The following PARD3 variants were observed in gnomAD, a reference collection of about 807,000 sequenced individuals.
PARD3 encodes par-3 family cell polarity regulator.
PARD3 carries 75 observed loss-of-function variants against 155.4 expected under a neutral mutation model. The observed-to-expected ratio is 0.48, with a 90% CI of 0.40 to 0.58. The LOEUF is 0.58. Ranked by LOEUF, PARD3 falls within the 20% of genes least tolerant of loss-of-function variation. PARD3 has a pLI of 0.00. For missense variants in PARD3, 1,642 were observed against 1,721.7 expected (o/e 0.95, Z 0.82); for synonymous variants, 576 against 610.5 (o/e 0.94, Z 0.83).
chr10:34,299,735 C>T (rs1320825895), intron 20 of PARD3, among the ~76,000 whole-genome samples: 2 of 152,132 alleles, frequency 1.3e-5, no homozygotes, highest in East Asian at 1.9e-4. Flanking sequence ...AGGAAAAATG[C>T]TATATAAATT....
At chr10:34,756,756 G>A (rs1836798004) in intron 1 of PARD3, among the ~76,000 whole-genome samples, 1 of 152,086 alleles carries the variant, frequency 6.6e-6, no homozygotes, top group South Asian at 2.1e-4. Flanking sequence ...CATAATCAAA[G>A]CCATTCATCA....
intron 3 of PARD3, among the ~76,000 whole-genome samples, chr10:34,481,228 C>CGATA (rs1385664523): frequency 1.1e-4 from 16 of 151,098 alleles, no homozygotes; most frequent in Admixed American, 1.1e-3. Context: ...TTATTTTTAT[C>CGATA]ATCACCCTCC....
intron 20 of PARD3, among the ~76,000 whole-genome samples, chr10:34,310,576 T>C (rs1212861136): frequency 6.6e-6 from 1 of 152,220 alleles, no homozygotes; most frequent in Non-Finnish European, 1.5e-5. Context: ...CCAGCCGTCA[T>C]GCTTTGTGCC....
At chr10:34,410,916 C>G (rs1430045829) in intron 5 of PARD3, among the ~76,000 whole-genome samples, 1 of 152,186 alleles carries the variant, frequency 6.6e-6, no homozygotes, top group African/African-American at 2.4e-5. Context: ...AGGCATCCAT[C>G]TGGGCCCAAG....
chr10:34,211,118 C>G (rs533988994), intron 22 of PARD3, among the ~76,000 whole-genome samples: 1 of 152,300 alleles, frequency 6.6e-6, no homozygotes, highest in African/African-American at 2.4e-5. Context: ...CTGTGACAGG[C>G]TCATGAAACG....
chr10:34,702,559 TG>T (rs1478027177), intron 1 of PARD3, among the ~76,000 whole-genome samples: 1 of 152,052 alleles, frequency 6.6e-6, no homozygotes, highest in Non-Finnish European at 1.5e-5. Context: ...GAGGAACAAT[TG>T]TAGAGGTGCC....
At chr10:34,725,202 G>A (rs556809401) in intron 1 of PARD3, among the ~76,000 whole-genome samples, 8 of 151,822 alleles carry the variant, frequency 5.3e-5, no homozygotes, top group Admixed American at 4.6e-4. Flanking sequence ...GCCCAGGCTG[G>A]AGTGCAGTGG....
chr10:34,627,968 C>T (rs1366627429), intron 2 of PARD3, among the ~76,000 whole-genome samples: 5 of 152,098 alleles, frequency 3.3e-5, no homozygotes, highest in South Asian at 2.1e-4. Context: ...TCTTGGTGGA[C>T]AGAGTCTGCT....
intron 5 of PARD3, among the ~76,000 whole-genome samples, chr10:34,427,866 G>C (rs773950): frequency 0.49 from 74,157 of 151,932 alleles, 20,824 homozygotes; most frequent in Non-Finnish European, 0.62. Context: ...ATGTGGAGGC[G>C]ATGAAGGGGT....
chr10:34,248,953 G>A (rs1954127779), intron 22 of PARD3, among the ~76,000 whole-genome samples: 1 of 152,122 alleles, frequency 6.6e-6, no homozygotes, highest in African/African-American at 2.4e-5. Context: ...TTTAAATGGT[G>A]GTTAAAATCT....
chr10:34,448,134 C>CGTGTGTGT (rs35325584), intron 5 of PARD3, among the ~76,000 whole-genome samples: 3,161 of 147,114 alleles, frequency 0.021, 57 homozygotes, highest in African/African-American at 0.057. Flanking sequence ...ATATACACTG[C>CGTGTGTGT]GTGTGTGTGT....
intron 2 of PARD3, among the ~76,000 whole-genome samples, chr10:34,571,836 C>T (rs143825303): frequency 2.6e-5 from 4 of 152,176 alleles, no homozygotes; most frequent in East Asian, 1.9e-4. Flanking sequence ...GATGTTGCAC[C>T]GCTTTCACAA....
At chr10:34,209,192 T>C (rs900320887) in intron 22 of PARD3, among the ~76,000 whole-genome samples, 1 of 152,216 alleles carries the variant, frequency 6.6e-6, no homozygotes, top group Admixed American at 6.5e-5. Context: ...GGTCAAGAGA[T>C]GAACAGCACT....
intron 5 of PARD3, among the ~76,000 whole-genome samples, chr10:34,411,919 CGTGTGTGTGTGT>C (rs61517279): frequency 0.1 from 14,696 of 141,046 alleles, 759 homozygotes; most frequent in Non-Finnish European, 0.11. Context: ...ATAAGCTAGT[CGTGTGTGTGTGT>C]GTGTGTGTGT....
chr10:34,359,676 C>T (rs1272611589), intron 13 of PARD3, among the ~76,000 whole-genome samples: 1 of 152,076 alleles, frequency 6.6e-6, no homozygotes, highest in Non-Finnish European at 1.5e-5. Flanking sequence ...TAGACAGTTG[C>T]AGAGAACTGT....
chr10:34,353,204 C>G (rs576478412), intron 14 of PARD3, among the ~76,000 whole-genome samples: 5 of 152,196 alleles, frequency 3.3e-5, no homozygotes, highest in African/African-American at 1.2e-4. Flanking sequence ...GGCGCCACCC[C>G]GTCCGGGAGG....
intron 1 of PARD3, among the ~76,000 whole-genome samples, chr10:34,705,473 T>A (rs2094349456): frequency 6.8e-6 from 1 of 146,542 alleles, no homozygotes; most frequent in Non-Finnish European, 1.5e-5. Flanking sequence ...GGGCAACAAG[T>A]TCAGACCCTG....
chr10:34,150,657 CCAGCTGG>C (rs1250207479), intron 22 of PARD3, among the ~76,000 whole-genome samples: 3 of 152,204 alleles, frequency 2.0e-5, no homozygotes, highest in African/African-American at 7.2e-5. Context: ...GCTGCTCCCT[CCAGCTGG>C]GCCTCAGGCT....
intron 5 of PARD3, among the ~76,000 whole-genome samples, chr10:34,448,264 A>G (rs916350942): frequency 2.6e-5 from 4 of 152,122 alleles, no homozygotes; most frequent in Non-Finnish European, 4.4e-5. Context: ...CATTATGCTA[A>G]AAGAAATAAG....
Sources: gnomAD v4.1 joint callset for allele counts (sites outside exome capture counted in the v4.1 genomes callset) on GRCh38, gnomAD v4.1.1 for gene constraint, MANE v1.5 for transcripts, NCBI Gene and HGNC (gene_info 2026-07-23, HGNC 2026-07-21) for gene names.